PRIM2: variants seen among roughly 807,000 people sequenced by gnomAD.
PRIM2 encodes DNA primase subunit 2.
Under a neutral mutation model 67.3 loss-of-function variants are expected in PRIM2, and 39 were observed. That is an observed-to-expected ratio of 0.58 (90% CI 0.45 to 0.76). The LOEUF (loss-of-function observed/expected upper bound fraction) is 0.76, where lower values mean the gene tolerates loss of function less well. PRIM2 is among the 30% of genes least tolerant of loss of function. The pLI, the probability that PRIM2 is intolerant of heterozygous loss-of-function variation, is 0.00. For missense variants in PRIM2, 398 were observed against 598.7 expected (o/e 0.66, Z 3.50); for synonymous variants, 143 against 198.7 (o/e 0.72, Z 2.36).
chr6:57,326,707 C>G (rs2127276763), intron 5 of PRIM2, among the ~76,000 whole-genome samples: 1 of 149,980 alleles, frequency 6.7e-6, no homozygotes, highest in South Asian at 2.1e-4. Flanking sequence ...GGCGAAAGAG[C>G]AAGACTCCGT....
intron 12 of PRIM2, among the ~76,000 whole-genome samples, chr6:57,611,904 T>C (rs1365282571): frequency 6.6e-6 from 1 of 151,874 alleles, no homozygotes; most frequent in Non-Finnish European, 1.5e-5. Context: ...ACTCAGTAAC[T>C]AGAAAACAGT....
chr6:57,367,324 T>G (rs79495508), intron 5 of PRIM2, among the ~76,000 whole-genome samples: 1 of 152,168 alleles, frequency 6.6e-6, no homozygotes, highest in Non-Finnish European at 1.5e-5. Context: ...CCAATTAAAA[T>G]TTTTTCCTAT....
At chr6:57,415,093 TAAAC>T (rs1471450273) in intron 7 of PRIM2, among the ~76,000 whole-genome samples, 1 of 152,092 alleles carries the variant, frequency 6.6e-6, no homozygotes, top group African/African-American at 2.4e-5. Context: ...CATGAACAAA[TAAAC>T]AGATAATTTG....
chr6:57,280,786 C>A, the PRIM2 span, among the ~76,000 whole-genome samples: 48,403 of 151,952 alleles, frequency 0.32, 8,150 homozygotes, highest in East Asian at 0.61. Context: ...GGATTACAGG[C>A]GTGAGCCACC....
At chr6:57,611,463 C>A (rs1776664913) in intron 12 of PRIM2, among the ~76,000 whole-genome samples, 1 of 151,890 alleles carries the variant, frequency 6.6e-6, no homozygotes, top group Admixed American at 6.6e-5. Flanking sequence ...AGAAATAGAC[C>A]CACATATATA....
At chr6:57,545,635 T>C (rs1396569018) in intron 10 of PRIM2, among the ~76,000 whole-genome samples, 1 of 152,118 alleles carries the variant, frequency 6.6e-6, no homozygotes, top group Non-Finnish European at 1.5e-5. Flanking sequence ...GGTTTCTTCA[T>C]GTTGATCAGG....
intron 5 of PRIM2, among the ~76,000 whole-genome samples, chr6:57,336,924 A>C (rs948721829): frequency 1.1e-4 from 17 of 152,048 alleles, no homozygotes; most frequent in African/African-American, 2.2e-4. Flanking sequence ...CAAATTGGAT[A>C]AAGAGTCAAG....
chr6:57,231,418 C>A, the PRIM2 span, among the ~76,000 whole-genome samples: 1 of 151,994 alleles, frequency 6.6e-6, no homozygotes, highest in Non-Finnish European at 1.5e-5. Flanking sequence ...AAACAAATTA[C>A]AAACTGAGAA....
chr6:57,464,205 G>A (rs1420326133), intron 7 of PRIM2, among the ~76,000 whole-genome samples: 2 of 152,212 alleles, frequency 1.3e-5, no homozygotes, highest in East Asian at 3.9e-4. Flanking sequence ...TGATTAGTCC[G>A]TTCCTTCCCC....
At chr6:57,388,427 G>T (rs1196242862) in intron 7 of PRIM2, among the ~76,000 whole-genome samples, 1 of 152,158 alleles carries the variant, frequency 6.6e-6, no homozygotes, top group Non-Finnish European at 1.5e-5. Context: ...ATGGTGGATT[G>T]GTTGTGAGAG....
chr6:57,594,180 G>GA (rs1478490023), intron 10 of PRIM2, among the ~76,000 whole-genome samples: 6 of 152,148 alleles, frequency 3.9e-5, no homozygotes, highest in African/African-American at 1.4e-4. Flanking sequence ...CTTCTTTCTT[G>GA]AAAGTTTTCT....
chr6:57,422,363 C>T (rs1462409140), intron 7 of PRIM2, among the ~76,000 whole-genome samples: 1 of 151,934 alleles, frequency 6.6e-6, no homozygotes, highest in Non-Finnish European at 1.5e-5. Flanking sequence ...TCTTGAACTC[C>T]TGACCTCAGG....
At chr6:57,237,114 G>C in the PRIM2 span, among the ~76,000 whole-genome samples, 1 of 151,678 alleles carries the variant, frequency 6.6e-6, no homozygotes, top group South Asian at 2.1e-4. Flanking sequence ...ATTCTAACTG[G>C]TGTGAGATAG....
At chr6:57,451,126 G>A (rs1772531466) in intron 7 of PRIM2, among the ~76,000 whole-genome samples, 1 of 151,998 alleles carries the variant, frequency 6.6e-6, no homozygotes, top group South Asian at 2.1e-4. Context: ...ATGTGATATA[G>A]TAAAATTTTG....
chr6:57,577,427 AT>A (rs1161633688), intron 10 of PRIM2, among the ~76,000 whole-genome samples: 11,405 of 121,530 alleles, frequency 0.094, 311 homozygotes, highest in African/African-American at 0.16. Flanking sequence ...TGGTATATAA[AT>A]TTTTTTTTTT....
intron 5 of PRIM2, among the ~76,000 whole-genome samples, chr6:57,371,629 A>G (rs1248920269): frequency 6.6e-6 from 1 of 152,230 alleles, no homozygotes; most frequent in Non-Finnish European, 1.5e-5. Context: ...ATGTATATTA[A>G]AATTTTATTT....
chr6:57,571,429 C>T (rs1197274008), intron 10 of PRIM2, among the ~76,000 whole-genome samples: 2 of 152,058 alleles, frequency 1.3e-5, no homozygotes, highest in South Asian at 2.1e-4. Flanking sequence ...GTGGGCAGAT[C>T]GCTTGAGGTC....
intron 7 of PRIM2, chr6:57,497,458 T>A (rs1554346480): frequency 6.6e-6 from 1 of 152,168 alleles, no homozygotes; most frequent in Non-Finnish European, 1.5e-5. Context: ...ACACCATAGG[T>A]TTCATGATCA....
the PRIM2 span, among the ~76,000 whole-genome samples, chr6:57,239,290 A>G: frequency 0.88 from 134,335 of 152,246 alleles, 60,022 homozygotes; most frequent in South Asian, 0.99. Context: ...CATGGCTGGC[A>G]TGTTCCTCTT....
Sources: allele counts gnomAD v4.1 joint callset (sites outside exome capture counted in the v4.1 genomes callset), GRCh38; gene constraint gnomAD v4.1.1; transcripts MANE v1.5; gene names NCBI Gene and HGNC (gene_info 2026-07-23, HGNC 2026-07-21).